RBFOX1: variants seen among roughly 807,000 people sequenced by gnomAD.
RBFOX1 encodes RNA binding fox-1 homolog 1.
Under a neutral mutation model 57.7 loss-of-function variants are expected in RBFOX1, and 8 were observed. The observed-to-expected ratio is 0.14, with a 90% confidence interval of 0.08 to 0.25. The LOEUF is 0.25. RBFOX1 is among the 10% of genes least tolerant of loss of function. The pLI, the probability that RBFOX1 is intolerant of heterozygous loss-of-function variation, is 1.00. For synonymous variants in RBFOX1, 326 were observed against 222.4 expected, an observed-to-expected ratio of 1.47 and a Z score of -4.15; for missense variants, 611 against 548.5, an observed-to-expected ratio of 1.11 and a Z score of -1.14.
intron 4 of RBFOX1, among the ~76,000 whole-genome samples, chr16:5,868,305 A>T (rs1316604603): frequency 6.6e-6 from 1 of 151,796 alleles, no homozygotes; most frequent in Non-Finnish European, 1.5e-5. Flanking sequence ...AACCCTAAGC[A>T]TGTGGAGGTA....
intron 2 of RBFOX1, among the ~76,000 whole-genome samples, chr16:6,399,306 A>T (rs937671795): frequency 6.6e-6 from 1 of 152,062 alleles, no homozygotes; most frequent in Non-Finnish European, 1.5e-5. Context: ...CCCTGGAAAC[A>T]TTTTCCCCAT....
At chr16:6,995,965 C>G (rs2092189631) in intron 3 of RBFOX1, among the ~76,000 whole-genome samples, 1 of 152,092 alleles carries the variant, frequency 6.6e-6, no homozygotes. Context: ...ACTTTCTAGT[C>G]CCTAATTACT....
In RBFOX1 at chr16:5,761,719, A is replaced by G. The variant is rs571604177; in HGVS notation, c.319-105584A>G. On this transcript the variant is annotated intron_variant, in intron 3 of 19. Transcript: ENST00000641259. ...GGAATTATGGGAGCTATAATTCAAG[A>G]TGACATTTGGGTGGGGACACAGCAA... 7.4e-4 allele frequency among the ~76,000 whole-genome samples: 113 copies of G among 152,298 alleles called. 1 individual carries two copies. The highest frequency in any genetic ancestry group is 2.5e-3 in the African/African-American group (103 of 41,572).
intron 4 of RBFOX1, among the ~76,000 whole-genome samples, chr16:6,005,550 C>G (rs1211954576): frequency 6.6e-6 from 1 of 152,196 alleles, no homozygotes; most frequent in Admixed American, 6.5e-5. Flanking sequence ...ACGTTCTGAG[C>G]TGGGTCATTC....
rs116646085 is a variant in RBFOX1, at chr16:5,939,567, A to G, written c.351+72232A>G. 3.2e-3 allele frequency among the ~76,000 whole-genome samples: 486 copies of G among 152,380 alleles called. 5 individuals are homozygous for G. The highest frequency in any genetic ancestry group is 0.011 in the African/African-American group (449 of 41,592). On this transcript the variant is annotated intron_variant, in intron 4 of 19. Transcript: ENST00000641259. The stretch of plus-strand genomic sequence containing the variant: ...TTCAGAGCCATGGATCCAAGAGAGA[A>G]GGTAAAGAAGAAATCACAGTGCCTT...
chr16:5,467,333 C>T, intron 2 of RBFOX1: 1 of 1,368,808 alleles, frequency 7.3e-7, no homozygotes, highest in Non-Finnish European at 1.0e-6. Flanking sequence ...TCTTGCGTCA[C>T]AGCCCTGCAA....
intron 5 of RBFOX1, among the ~76,000 whole-genome samples, chr16:7,537,683 A>T (rs1292503248): frequency 6.6e-6 from 1 of 152,156 alleles, no homozygotes; most frequent in African/African-American, 2.4e-5. Context: ...GGTGGCTTCT[A>T]ACGTGATTTC....
intron 2 of RBFOX1, among the ~76,000 whole-genome samples, chr16:5,489,083 G>A (rs1458246195): frequency 1.3e-5 from 2 of 152,198 alleles, no homozygotes; most frequent in African/African-American, 4.8e-5. Flanking sequence ...CACACCACAA[G>A]TAAGCAGCAG....
chr16:7,003,634 C>G (rs1172196000), intron 3 of RBFOX1, among the ~76,000 whole-genome samples: 1 of 151,976 alleles, frequency 6.6e-6, no homozygotes, highest in East Asian at 1.9e-4. Context: ...GTTTTGTTAG[C>G]TATAAACTCA....
At chr16:6,353,971 G>C (rs1395708687) in intron 2 of RBFOX1, among the ~76,000 whole-genome samples, 2 of 152,134 alleles carry the variant, frequency 1.3e-5, no homozygotes, top group African/African-American at 4.8e-5. Context: ...TGTAGTCCCA[G>C]TACTTTGGGA....
intron 4 of RBFOX1, among the ~76,000 whole-genome samples, chr16:7,456,502 G>C (rs1474908848): frequency 1.3e-5 from 2 of 152,210 alleles, no homozygotes; most frequent in African/African-American, 4.8e-5. Context: ...TGTTTGCCAA[G>C]GTTGCAAGTC....
chr16:7,585,007 A>G (rs1164140914), intron 6 of RBFOX1, among the ~76,000 whole-genome samples: 3 of 152,182 alleles, frequency 2.0e-5, no homozygotes, highest in Admixed American at 2.0e-4. Context: ...TTTTAAAGGA[A>G]ATGTTTTTGG....
At chr16:6,227,192 C>G (rs904694731) in intron 1 of RBFOX1, among the ~76,000 whole-genome samples, 2 of 152,080 alleles carry the variant, frequency 1.3e-5, no homozygotes, top group African/African-American at 4.8e-5. Context: ...TATTAGCTGT[C>G]TACCCTGGCC....
intron 3 of RBFOX1, among the ~76,000 whole-genome samples, chr16:6,789,734 C>T (rs1319295376): frequency 6.6e-6 from 1 of 152,096 alleles, no homozygotes; most frequent in Non-Finnish European, 1.5e-5. Flanking sequence ...CAGTAATTTA[C>T]ACAGAAGTCT....
chr16:7,565,839 G>A (rs560327628), intron 5 of RBFOX1, among the ~76,000 whole-genome samples: 1 of 152,280 alleles, frequency 6.6e-6, no homozygotes, highest in South Asian at 2.1e-4. Flanking sequence ...AAAGGAAAGA[G>A]GCTGAATAGT....
chr16:5,490,389 C>G (rs796492507), intron 2 of RBFOX1, among the ~76,000 whole-genome samples: 3 of 152,224 alleles, frequency 2.0e-5, no homozygotes, highest in African/African-American at 2.4e-5. Context: ...GCACCTGGAA[C>G]CAGGACTTGA....
chr16:7,071,964 C>G (rs978114776), intron 4 of RBFOX1, among the ~76,000 whole-genome samples: 9 of 152,070 alleles, frequency 5.9e-5, no homozygotes, highest in African/African-American at 2.2e-4. Flanking sequence ...ATTTGTGATT[C>G]CTAATATCTC....
chr16:6,117,110 GATAA>G (rs1435384329), intron 1 of RBFOX1, among the ~76,000 whole-genome samples: 1 of 152,142 alleles, frequency 6.6e-6, no homozygotes. Flanking sequence ...AGTAGTTGTA[GATAA>G]ATAAAGGCTG....
chr16:6,386,277 C>T (rs929068996), intron 2 of RBFOX1, among the ~76,000 whole-genome samples: 1 of 152,204 alleles, frequency 6.6e-6, no homozygotes, highest in South Asian at 2.1e-4. Flanking sequence ...GTCAAACTTA[C>T]TGCAGCTTAG....
Sources: gnomAD v4.1 joint callset for allele counts (sites outside exome capture counted in the v4.1 genomes callset) on GRCh38, gnomAD v4.1.1 for gene constraint, MANE v1.5 for transcripts, NCBI Gene and HGNC (gene_info 2026-07-23, HGNC 2026-07-21) for gene names.